The following METAP1 variants were observed in gnomAD, a reference collection of about 807,000 sequenced individuals.
METAP1 encodes the protein methionine aminopeptidase 1.
In METAP1, 28 loss-of-function variants were observed where a neutral mutation model predicts 53.8. The observed-to-expected ratio is 0.52, with a 90% confidence interval of 0.39 to 0.71. The LOEUF (loss-of-function observed/expected upper bound fraction) is 0.71. Ranked by LOEUF, METAP1 falls within the 30% of genes least tolerant of loss-of-function variation. The probability of loss-of-function intolerance (pLI) is 0.00; values close to 1 mark genes in which losing one functional copy is unlikely to be tolerated. For synonymous variants in METAP1, 181 were observed against 165.7 expected (o/e 1.09, Z -0.71); for missense variants, 389 against 479.8 (o/e 0.81, Z 1.77).
In METAP1 at chr4:99,057,800, G is replaced by A; in HGVS notation, c.979G>A (p.Glu327Lys). 6.3e-7 allele frequency: 1 copy of A among 1,596,396 alleles called. No homozygotes were observed. Among genetic ancestry groups the A allele is most frequent in the Non-Finnish European group, 8.5e-7 (1 of 1,170,918 alleles). Residue 327 changes from glutamate (E) to lysine (K), a missense_variant, in exon 10 of 11, where the codon GAG (glutamate) becomes AAG (lysine). Physicochemically the swap from Glu to Lys is moderately conservative, Grantham distance 56. Transcript: ENST00000296411. The stretch of plus-strand genomic sequence containing the variant: ...GAAGTCGGGCCATGTATTTACAATT[G>A]AGCCAATGATTTGTGAAGGTGAGAA... The part of the protein sequence containing the change: ...VMKSGHVFTI[E>K]PMICEGGWQD...
chr4:99,005,173 T>A (rs940884207), intron 1 of METAP1, among the ~76,000 whole-genome samples: 1 of 151,764 alleles, frequency 6.6e-6, no homozygotes, highest in South Asian at 2.1e-4. Flanking sequence ...ACAGCAAAAA[T>A]AATAATAATA....
intron 9 of METAP1, among the ~76,000 whole-genome samples, chr4:99,054,082 C>A (rs775912267): frequency 1.8e-4 from 28 of 151,898 alleles, no homozygotes; most frequent in Admixed American, 7.9e-4. Context: ...GCTGCAGGAT[C>A]CCCTAACAAG....
chr4:98,996,327 C>A (rs1722625874), intron 1 of METAP1, among the ~76,000 whole-genome samples: 1 of 152,208 alleles, frequency 6.6e-6, no homozygotes, highest in East Asian at 1.9e-4. Context: ...GGCCGTCCGT[C>A]GGGTCCCTGC....
chr4:99,021,489 C>G (rs945585812), intron 1 of METAP1, among the ~76,000 whole-genome samples: 1 of 152,128 alleles, frequency 6.6e-6, no homozygotes, highest in Non-Finnish European at 1.5e-5. Context: ...GAAACAGTGT[C>G]CCCATACGAG....
intron 1 of METAP1, among the ~76,000 whole-genome samples, chr4:99,007,972 C>T (rs552476075): frequency 6.6e-6 from 1 of 152,286 alleles, no homozygotes; most frequent in South Asian, 2.1e-4. Context: ...CCTGTAATGT[C>T]CTTGCCTTTA....
rs1306135694 is a variant in METAP1 at position 98,995,753 on chromosome 4, C to T, written c.-1C>T. ...AGGCGCTCTTCCAGCGGGCAGGCAG[C>T]ATGGCGGCCGTGGAGACGCGGGTGT... On this transcript the variant is annotated 5_prime_UTR_variant, in exon 1 of 11. Coordinates refer to ENST00000296411, the MANE Select transcript of METAP1 (RefSeq NM_015143.3). 3.9e-6 allele frequency: 6 copies of T among 1,544,704 alleles called. No homozygotes were observed. The Admixed American group carries it at 7.9e-5, about 20-fold the overall frequency.
Position 99,013,396 on chromosome 4 carries a change from T to C in METAP1, c.115-15471T>C, listed in dbSNP as rs188390625. 2.5e-3 allele frequency among the ~76,000 whole-genome samples: 385 copies of C among 152,276 alleles called. 2 individuals are homozygous for C. Among genetic ancestry groups the C allele is most frequent in the Non-Finnish European group, 2.8e-3 (190 of 68,022 alleles). ...CTAAACAGAAAAATATTGCCTGGAC[T>C]AGGCATTATTCCCCTAGTTGGAAAT... On this transcript the variant is annotated intron_variant, in intron 1 of 10. Transcript: ENST00000296411.
chr4:99,056,127 T>C (rs756053315), intron 9 of METAP1, among the ~76,000 whole-genome samples: 22 of 152,208 alleles, frequency 1.4e-4, no homozygotes, highest in Middle Eastern at 3.4e-3. Flanking sequence ...GAGAGTTTAG[T>C]TGAGTCAGCC....
At chr4:99,029,860 A>G (rs1409248422) in intron 2 of METAP1, among the ~76,000 whole-genome samples, 9 of 152,176 alleles carry the variant, frequency 5.9e-5, no homozygotes, top group Non-Finnish European at 1.3e-4. Context: ...TTTTAAAAAG[A>G]CAAATTTTCT....
intron 1 of METAP1, among the ~76,000 whole-genome samples, chr4:99,001,137 A>G (rs1722905588): frequency 6.6e-6 from 1 of 152,224 alleles, no homozygotes; most frequent in Admixed American, 6.5e-5. Flanking sequence ...CTGCCAGTGC[A>G]GGGTGTTTCT....
intron 2 of METAP1, among the ~76,000 whole-genome samples, chr4:99,032,123 G>A (rs1254711448): frequency 6.6e-6 from 1 of 151,996 alleles, no homozygotes; most frequent in Non-Finnish European, 1.5e-5. Context: ...TAAGTAAATT[G>A]TACCTAGAGA....
At chr4:99,045,511 T>C (rs1726156643) in intron 8 of METAP1, among the ~76,000 whole-genome samples, 1 of 152,230 alleles carries the variant, frequency 6.6e-6, no homozygotes, top group Non-Finnish European at 1.5e-5. Flanking sequence ...TTGGTTAGCA[T>C]CCTTTGTTTC....
Position 99,061,178 on chromosome 4 carries a change from C to T in METAP1, c.1022C>T (p.Pro341Leu), listed in dbSNP as rs535426460. The change falls in exon 11 of 11, where the codon CCA (proline) becomes CTA (leucine). Residue 341 changes from proline to leucine, a missense_variant. Pro to Leu is a moderately conservative substitution (Grantham distance 98, BLOSUM62 -3). Coordinates refer to ENST00000296411, the MANE Select transcript of METAP1 (RefSeq NM_015143.3). ...CEGGWQDETWPDGWTAVTRDG... is the reference protein window; with the variant it reads ...CEGGWQDETWLDGWTAVTRDG... The stretch of plus-strand genomic sequence containing the variant: ...GGCGGATGGCAGGATGAAACCTGGC[C>T]AGATGGTTGGACTGCGGTGACAAGA... 1 of 1,613,132 alleles carries T rather than the reference C, an allele frequency of 6.2e-7. No homozygotes were observed. Among genetic ancestry groups the T allele is most frequent in the Admixed American group, 1.7e-5 (1 of 59,892 alleles).
chr4:99,029,624 T>G (rs1385544182), intron 2 of METAP1, among the ~76,000 whole-genome samples: 1 of 152,182 alleles, frequency 6.6e-6, no homozygotes, highest in African/African-American at 2.4e-5. Flanking sequence ...GATCAAAGCT[T>G]GATTTAATTT....
chr4:99,004,839 A>C (rs1277843622), intron 1 of METAP1, among the ~76,000 whole-genome samples: 1 of 152,028 alleles, frequency 6.6e-6, no homozygotes, highest in African/African-American at 2.4e-5. Flanking sequence ...TCCATGTTTC[A>C]TTGTAGCTCT....
chr4:98,998,749 CTTGTT>C (rs1227974304), intron 1 of METAP1, among the ~76,000 whole-genome samples: 1 of 152,112 alleles, frequency 6.6e-6, no homozygotes, highest in African/African-American at 2.4e-5. Context: ...GTCACACCAC[CTTGTT>C]TATTCCTTTA....
At chr4:99,005,311 C>G (rs1196581708) in intron 1 of METAP1, among the ~76,000 whole-genome samples, 1 of 151,982 alleles carries the variant, frequency 6.6e-6, no homozygotes, top group African/African-American at 2.4e-5. Flanking sequence ...ATAATCTCAT[C>G]AAAAAGTGGG....
At chr4:99,044,426 G>C (rs1047643832) in intron 7 of METAP1, among the ~76,000 whole-genome samples, 1 of 152,062 alleles carries the variant, frequency 6.6e-6, no homozygotes. Context: ...TTTAGTTAGG[G>C]TATCTGTTCA....
At chr4:99,031,535 C>G in intron 2 of METAP1, 1 of 1,288,920 alleles carries the variant, frequency 7.8e-7, no homozygotes, top group Non-Finnish European at 1.0e-6. Flanking sequence ...ATGTCTTAAA[C>G]TGGCTCCACC....
Sources: gnomAD v4.1 joint callset for allele counts (sites outside exome capture counted in the v4.1 genomes callset) on GRCh38, gnomAD v4.1.1 for gene constraint, MANE v1.5 for transcripts, NCBI Gene and HGNC (gene_info 2026-07-23, HGNC 2026-07-21) for gene names.